The following ZNF721 variants were observed in gnomAD, a reference collection of about 807,000 sequenced individuals.
ZNF721 encodes zinc finger protein 721.
A neutral mutation model predicts 2.4 loss-of-function variants in ZNF721; 2 were observed. The observed-to-expected ratio is 0.82, with a 90% CI of 0.34 to 2.58. ZNF721 has a LOEUF of 2.58. Among genes scored for constraint, ZNF721 ranks in the 30% most tolerant of loss-of-function variants. The pLI, the probability that ZNF721 is intolerant of heterozygous loss-of-function variation, is 0.11. For synonymous variants in ZNF721, 398 were observed against 381.8 expected (o/e 1.04, Z -0.50); for missense variants, 1,187 against 1,085.5 (o/e 1.09, Z -1.31).
At chr4:460,731 A>C (rs1341492402) in intron 2 of ZNF721, among the ~76,000 whole-genome samples, 2 of 152,160 alleles carry the variant, frequency 1.3e-5, no homozygotes, top group African/African-American at 4.8e-5. Flanking sequence ...AAGAGAGAAG[A>C]ATCAAATAGA....
At chr4:493,405 G>A (rs1576975117) in intron 1 of ZNF721, among the ~76,000 whole-genome samples, 1 of 152,208 alleles carries the variant, frequency 6.6e-6, no homozygotes, top group Non-Finnish European at 1.5e-5. Context: ...TAGGCCAGAT[G>A]CAGTGGCTCA....
chr4:475,030 T>A (rs1346652099), intron 1 of ZNF721, among the ~76,000 whole-genome samples: 1 of 151,872 alleles, frequency 6.6e-6, no homozygotes, highest in African/African-American at 2.4e-5. Context: ...CTATTCAAAA[T>A]ACAAAAATTA....
intron 1 of ZNF721, among the ~76,000 whole-genome samples, chr4:473,528 T>C (rs116156086): frequency 0.015 from 2,210 of 152,200 alleles, 55 homozygotes; most frequent in African/African-American, 0.049. Flanking sequence ...AAGTCTTTTT[T>C]TTCAAGACCC....
At chr4:473,910 C>T (rs1715546384) in intron 1 of ZNF721, 2 of 1,475,328 alleles carry the variant, frequency 1.4e-6, no homozygotes, top group South Asian at 2.2e-5. Flanking sequence ...GACTCAGTCC[C>T]GCCGCCGCCA....
chr4:444,519 T>C (rs1169375699), intron 2 of ZNF721, 87 bp from the exon 3 acceptor site: 21 of 1,282,988 alleles, frequency 1.6e-5, no homozygotes, highest in Admixed American at 8.4e-5. Flanking sequence ...CAAAGTACGC[T>C]AGTAAGATCA....
intron 2 of ZNF721, among the ~76,000 whole-genome samples, chr4:450,956 A>AT (rs1486352513): frequency 3.1e-5 from 2 of 63,770 alleles, no homozygotes; most frequent in African/African-American, 1.5e-4. Context: ...AAAAAAAAAA[A>AT]ATATATATAT....
intron 1 of ZNF721, among the ~76,000 whole-genome samples, chr4:484,757 C>T (rs1307649955): frequency 6.6e-6 from 1 of 152,208 alleles, no homozygotes; most frequent in Non-Finnish European, 1.5e-5. Context: ...GTGCCCGAAA[C>T]TTCTTTAGCA....
chr4:458,141 T>G (rs1714901457), intron 2 of ZNF721, among the ~76,000 whole-genome samples: 1 of 152,242 alleles, frequency 6.6e-6, no homozygotes, highest in Non-Finnish European at 1.5e-5. Flanking sequence ...CTGCTCACAT[T>G]GATTTGTATC....
At chr4:475,553 T>C (rs1553868474) in intron 1 of ZNF721, among the ~76,000 whole-genome samples, 1 of 152,208 alleles carries the variant, frequency 6.6e-6, no homozygotes, top group Admixed American at 6.5e-5. Context: ...CTCATACTTC[T>C]GGCTAAAATC....
intron 1 of ZNF721, among the ~76,000 whole-genome samples, chr4:497,991 G>C (rs1234054205): frequency 1.3e-5 from 2 of 151,648 alleles, no homozygotes; most frequent in African/African-American, 2.4e-5. Flanking sequence ...CGGATCACGA[G>C]GTCAGGAGTT....
intron 2 of ZNF721, among the ~76,000 whole-genome samples, chr4:458,327 G>A (rs150208998): frequency 4.6e-5 from 7 of 152,280 alleles, no homozygotes; most frequent in African/African-American, 1.4e-4. Flanking sequence ...TAGGACTTAT[G>A]TGACCTGGAT....
At chr4:489,848 G>A (rs1208513393) in intron 1 of ZNF721, among the ~76,000 whole-genome samples, 2 of 152,032 alleles carry the variant, frequency 1.3e-5, no homozygotes, top group African/African-American at 4.8e-5. Flanking sequence ...ATAATATTTT[G>A]GGTTTTTAAA....
At chr4:485,188 G>GA (rs782731248) in intron 1 of ZNF721, among the ~76,000 whole-genome samples, 4 of 152,054 alleles carry the variant, frequency 2.6e-5, no homozygotes, top group Non-Finnish European at 5.9e-5. Flanking sequence ...TGTTTTGCTT[G>GA]AAAGGGAGCA....
At chr4:498,708 G>A (rs1314571543) in intron 1 of ZNF721, among the ~76,000 whole-genome samples, 5 of 151,356 alleles carry the variant, frequency 3.3e-5, no homozygotes, top group South Asian at 2.1e-4. Context: ...AGTTGTCTGA[G>A]GTATTGGGTT....
chr4:480,701 C>T (rs548533978), intron 1 of ZNF721, among the ~76,000 whole-genome samples: 9 of 151,898 alleles, frequency 5.9e-5, no homozygotes, highest in African/African-American at 2.2e-4. Context: ...AAGTTTTATA[C>T]TTTCTGTAGC....
chr4:477,293 TCTCACTCTGTATGGG>T (rs1715650755), intron 1 of ZNF721, among the ~76,000 whole-genome samples: 1 of 134,898 alleles, frequency 7.4e-6, no homozygotes, highest in Non-Finnish European at 1.5e-5. Flanking sequence ...CAGAGTCTCG[TCTCACTCTGTATGGG>T]CTCACTGCAA....
Position 442,155 on chromosome 4 carries a change from T to C in ZNF721, c.2312A>G (p.His771Arg). ...TTTCTTTCCAGTATGAATTTTCTCA[T>C]GTCTATTCAGGTGTGAGGACTGTTT... ...VFKQSSHLNR[H>R]EKIHTGKKPY... is the part of the protein sequence containing the mutation. Residue 771 changes from histidine (H) to arginine (R), a missense_variant, in exon 3 of 3, where the codon CAT (histidine) becomes CGT (arginine). Coordinates refer to ENST00000511833, the MANE Select transcript of ZNF721 (RefSeq NM_133474.4). 6.2e-7 allele frequency: 1 copy of C among 1,613,414 alleles called. No homozygotes were observed. The highest frequency in any genetic ancestry group is 8.5e-7 in the Non-Finnish European group (1 of 1,179,510).
At chr4:468,658 C>T (rs1715334565) in intron 2 of ZNF721, among the ~76,000 whole-genome samples, 2 of 152,162 alleles carry the variant, frequency 1.3e-5, no homozygotes, top group Admixed American at 1.3e-4. Context: ...ACACAGCAGA[C>T]CCAGCAGCAC....
chr4:483,678 AGCTT>A (rs1299598612), intron 1 of ZNF721, among the ~76,000 whole-genome samples: 1 of 152,238 alleles, frequency 6.6e-6, no homozygotes, highest in African/African-American at 2.4e-5. Flanking sequence ...CAAATGTATT[AGCTT>A]TGTTATAATT....
Sources: gnomAD v4.1 joint callset for allele counts (sites outside exome capture counted in the v4.1 genomes callset) on GRCh38, gnomAD v4.1.1 for gene constraint, MANE v1.5 for transcripts, NCBI Gene and HGNC (gene_info 2026-07-23, HGNC 2026-07-21) for gene names.